ASH1L: variants seen among roughly 807,000 people sequenced by gnomAD.
ASH1L encodes the protein ASH1 like histone lysine methyltransferase.
ASH1L carries 23 observed loss-of-function variants against 269.0 expected under a neutral mutation model. That is an observed-to-expected ratio of 0.09 (90% CI 0.06 to 0.12). The LOEUF (loss-of-function observed/expected upper bound fraction) is 0.12. Ranked by LOEUF, ASH1L falls within the 10% of genes least tolerant of loss-of-function variation. The pLI is 1.00. For synonymous variants in ASH1L, 1,187 were observed against 1,253.5 expected (o/e 0.95, Z 1.12); for missense variants, 2,912 against 3,567.8 (o/e 0.82, Z 4.68).
At chr1:155,460,147 T>C (rs549533573) in intron 3 of ASH1L, among the ~76,000 whole-genome samples, 77 of 152,320 alleles carry the variant, frequency 5.1e-4, no homozygotes, top group Admixed American at 5.0e-3. Context: ...AAACTAATTT[T>C]AATGGAAGAA....
chr1:155,408,304 A>G (rs996403035), intron 6 of ASH1L, among the ~76,000 whole-genome samples: 3 of 152,240 alleles, frequency 2.0e-5, no homozygotes, highest in Non-Finnish European at 2.9e-5. Flanking sequence ...TTTCTTCAAC[A>G]GCAATATAAA....
In ASH1L at chr1:155,525,084, C is replaced by T. The variant is rs200477146; in HGVS notation, c.-99-3466G>A. On this transcript the variant is annotated intron_variant, in intron 1 of 27. Coordinates refer to ENST00000392403, the MANE Select transcript of ASH1L (RefSeq NM_018489.3). ...CAAACACAGCAAGACCCTCTCTCTA[C>T]AAAAAATAAAAAATTAGCCCAGCAT... Among the ~76,000 whole-genome samples the T allele has an allele frequency of 2.0e-5, 3 of 151,672 alleles. No homozygotes were observed. The East Asian group carries it at 5.8e-4, about 29-fold the overall frequency.
At chr1:155,561,793 G>A (rs1671983924) in intron 1 of ASH1L, among the ~76,000 whole-genome samples, 2 of 151,430 alleles carry the variant, frequency 1.3e-5, no homozygotes, top group Admixed American at 6.6e-5. Context: ...CCCCTCTCAA[G>A]ATCGTGTCCT....
rs755866187 is a variant in ASH1L at position 155,478,484 on chromosome 1, G to A, written c.4386C>T (p.Ser1462=). The A allele has an allele frequency of 1.6e-5, 26 of 1,614,136 alleles. No homozygotes were observed. In the South Asian group the frequency reaches 2.4e-4, roughly 15 times the overall value. The change falls in exon 3 of 28, where the codon TCC becomes TCT. Residue 1462 remains serine (S), a synonymous_variant. Coordinates refer to ENST00000392403, the MANE Select transcript of ASH1L (RefSeq NM_018489.3). The surrounding 1 kb of genome is among the most constrained non-coding windows in gnomAD (Gnocchi z 4.6). The part of the protein sequence containing the change: ...FLTTSRTPLL[S]MSTYPSVPPE... ...GAGGAACACTGGGGTAGGTACTCAT[G>A]GAAAGGAGGGGAGTCCTGCTGGTTG... is the stretch of plus-strand genomic sequence containing the variant.
At chr1:155,472,247 G>A (rs922650913) in intron 3 of ASH1L, among the ~76,000 whole-genome samples, 7 of 152,140 alleles carry the variant, frequency 4.6e-5, no homozygotes, top group African/African-American at 9.7e-5. Flanking sequence ...CCTAGATTAC[G>A]CCACTGAACT....
rs372496919 is a variant in ASH1L, at chr1:155,343,325, G to A, written c.8282C>T (p.Thr2761Met). The A allele has an allele frequency of 2.5e-6, 4 of 1,613,074 alleles. 1 individual carries two copies. Among genetic ancestry groups the A allele is most frequent in the African/African-American group, 1.3e-5 (1 of 74,852 alleles). Reference sequence around the variant, plus strand: ...CCCAGATCACTTACCTTTACAATACGTATAAAGGTCCAACACACAGCAGGT... The same window carrying A: ...CCCAGATCACTTACCTTTACAATACATATAAAGGTCCAACACACAGCAGGT... ...VGTCCVLDLY[T>M]YCKGRPKGVK... The change falls in exon 24 of 28, where the codon ACG becomes ATG. Residue 2761 changes from threonine (T) to methionine (M), a missense_variant. Thr to Met is a moderately conservative substitution (Grantham distance 81). Around this residue, in one of 13 missense-constraint regions of ASH1L, gnomAD observed 179 missense variants for 293.8 expected, o/e 0.61. Coordinates refer to ENST00000392403, the MANE Select transcript of ASH1L (RefSeq NM_018489.3). This position sits in a 1 kb window ranked among gnomAD's most constrained non-coding sequence, Gnocchi z 6.1.
At chr1:155,390,934 C>T (rs1224459239) in intron 7 of ASH1L, among the ~76,000 whole-genome samples, 1 of 151,702 alleles carries the variant, frequency 6.6e-6, no homozygotes, top group African/African-American at 2.4e-5. Context: ...TAGGCGTGAG[C>T]CACCACACCT....
chr1:155,502,163 C>T (rs561204681), intron 2 of ASH1L, among the ~76,000 whole-genome samples: 130 of 151,088 alleles, frequency 8.6e-4, no homozygotes, highest in African/African-American at 1.8e-3. Flanking sequence ...CTCCGCCTCC[C>T]GGGTTCAAGC....
intron 10 of ASH1L, among the ~76,000 whole-genome samples, chr1:155,373,113 T>C (rs1332802061): frequency 6.6e-6 from 1 of 151,424 alleles, no homozygotes. Context: ...CTCGGGAGGC[T>C]GAGACAGGAG....
intron 5 of ASH1L, among the ~76,000 whole-genome samples, chr1:155,430,890 T>A (rs573673704): frequency 7.0e-4 from 106 of 152,306 alleles, no homozygotes; most frequent in African/African-American, 2.5e-3. Flanking sequence ...CCAGAGTAGC[T>A]GAGACTATTG....
At chr1:155,555,962 CAG>C (rs1247453687) in intron 1 of ASH1L, among the ~76,000 whole-genome samples, 4 of 152,280 alleles carry the variant, frequency 2.6e-5, no homozygotes, top group East Asian at 1.9e-4. Context: ...GAAGGAGGGA[CAG>C]GGGCTGGTAG....
At chr1:155,407,005 C>CA (rs537318376) in intron 6 of ASH1L, among the ~76,000 whole-genome samples, 9 of 151,460 alleles carry the variant, frequency 5.9e-5, no homozygotes, top group South Asian at 2.1e-4. Flanking sequence ...GTATTACTTA[C>CA]AAAAAAAAGG....
At chr1:155,404,965 T>C (rs1351489968) in intron 6 of ASH1L, among the ~76,000 whole-genome samples, 1 of 151,498 alleles carries the variant, frequency 6.6e-6, no homozygotes, top group Non-Finnish European at 1.5e-5. Flanking sequence ...GAAACAGAGG[T>C]TGCAGTAAGC....
intron 15 of ASH1L, among the ~76,000 whole-genome samples, chr1:155,356,721 A>T (rs1570982763): frequency 6.6e-6 from 1 of 151,692 alleles, no homozygotes; most frequent in African/African-American, 2.4e-5. Context: ...GGCTCAAGTA[A>T]TTTTCCTGCC....
At chr1:155,444,328 A>C (rs965766824) in intron 4 of ASH1L, among the ~76,000 whole-genome samples, 3 of 152,146 alleles carry the variant, frequency 2.0e-5, no homozygotes, top group African/African-American at 7.2e-5. Flanking sequence ...ATTTTTACAA[A>C]GTGATTGTTC....
chr1:155,449,035 G>C (rs1028365799), intron 4 of ASH1L, among the ~76,000 whole-genome samples: 1 of 152,008 alleles, frequency 6.6e-6, no homozygotes, highest in Non-Finnish European at 1.5e-5. Flanking sequence ...CCGAGGTCAA[G>C]TGATTCTCCT....
intron 4 of ASH1L, among the ~76,000 whole-genome samples, chr1:155,456,027 TTG>T (rs1157562741): frequency 1.3e-5 from 2 of 152,190 alleles, no homozygotes; most frequent in Non-Finnish European, 1.5e-5. Flanking sequence ...GCTCTGTCTT[TTG>T]TCTCTTCCAG....
rs755862656 is a variant in ASH1L, at chr1:155,480,729, C to A, written c.2141G>T (p.Gly714Val). Residue 714 changes from glycine (G) to valine (V), a missense_variant, in exon 3 of 28, where the codon GGA becomes GTA. Coordinates refer to ENST00000392403, the MANE Select transcript of ASH1L (RefSeq NM_018489.3). Reference protein sequence around the residue: ...LQSKPLKKRKGRKPRWTKVVA... With the variant: ...LQSKPLKKRKVRKPRWTKVVA... ...CACTTTAGTCCACCGAGGTTTTCTT[C>A]CTTTTCTTTTTTTTAATGGTTTGGA... 1.9e-6 allele frequency: 3 copies of A among 1,613,552 alleles called. No homozygotes were observed. Among genetic ancestry groups the A allele is most frequent in the Non-Finnish European group, 2.5e-6 (3 of 1,179,916 alleles).
chr1:155,506,217 A>G (rs1667808012), intron 2 of ASH1L, among the ~76,000 whole-genome samples: 1 of 152,198 alleles, frequency 6.6e-6, no homozygotes, highest in African/African-American at 2.4e-5. Flanking sequence ...ATGTTAATAC[A>G]CTATTATTAT....
Sources: gnomAD v4.1 joint callset for allele counts (sites outside exome capture counted in the v4.1 genomes callset) on GRCh38, gnomAD v4.1.1 for gene constraint, gnomAD v4.1.1 regional missense constraint, Gnocchi (gnomAD v3.1) non-coding constraint, MANE v1.5 for transcripts, NCBI Gene and HGNC (gene_info 2026-07-23, HGNC 2026-07-21) for gene names.